Variants in LMO7 observed in about 807,000 individuals in gnomAD.
The protein encoded by LMO7 is LIM domain 7.
Under a neutral mutation model 206.5 loss-of-function variants are expected in LMO7, and 120 were observed. That is an observed-to-expected ratio of 0.58 (90% CI 0.50 to 0.68). The LOEUF (loss-of-function observed/expected upper bound fraction) is 0.68. LMO7 is among the 30% of genes least tolerant of loss of function. The pLI is 0.00. For missense variants in LMO7, 1,959 were observed against 1,957.9 expected (o/e 1.00, Z -0.01); for synonymous variants, 706 against 681.5 (o/e 1.04, Z -0.56).
intron 1 of LMO7, among the ~76,000 whole-genome samples, chr13:75,702,172 AG>A (rs146254093): frequency 0.1 from 15,602 of 151,838 alleles, 1,387 homozygotes; most frequent in East Asian, 0.29. Context: ...GAGAATTTTG[AG>A]TGTTTATAAA....
chr13:75,751,732 A>G (rs115060548), intron 3 of LMO7, among the ~76,000 whole-genome samples: 1,548 of 152,252 alleles, frequency 0.01, 22 homozygotes, highest in East Asian at 0.063. Context: ...TACACTGTTT[A>G]TAAAAGTGTC....
At chr13:75,744,072 T>C (rs978585545) in intron 3 of LMO7, among the ~76,000 whole-genome samples, 2 of 152,182 alleles carry the variant, frequency 1.3e-5, no homozygotes, top group Admixed American at 6.5e-5. Context: ...CCTTAACCCG[T>C]CATGTAAATG....
At chr13:75,843,020 T>G in intron 25 of LMO7, 104 bp downstream of exon 25, 1 of 759,936 alleles carries the variant, frequency 1.3e-6, no homozygotes, top group African/African-American at 1.7e-5. Flanking sequence ...CCTTTGTCAT[T>G]TGTGGGGTAT....
intron 2 of LMO7, among the ~76,000 whole-genome samples, chr13:75,722,380 T>A (rs960343409): frequency 6.6e-6 from 1 of 152,040 alleles, no homozygotes; most frequent in African/African-American, 2.4e-5. Context: ...AAAAGTGGGC[T>A]AAGGACATAA....
intron 4 of LMO7, among the ~76,000 whole-genome samples, chr13:75,763,337 G>A (rs1259058054): frequency 2.0e-5 from 3 of 152,142 alleles, no homozygotes; most frequent in Non-Finnish European, 2.9e-5. Flanking sequence ...TCTAGCTTTA[G>A]ATTTAGAATT....
At chr13:75,712,336 C>G (rs1041911424) in intron 1 of LMO7, among the ~76,000 whole-genome samples, 2 of 152,202 alleles carry the variant, frequency 1.3e-5, no homozygotes, top group Non-Finnish European at 2.9e-5. Context: ...CTGTTGGTCC[C>G]TGCCCTCCCC....
At chr13:75,760,081 G>T (rs914084214) in intron 3 of LMO7, among the ~76,000 whole-genome samples, 1 of 151,698 alleles carries the variant, frequency 6.6e-6, no homozygotes, top group East Asian at 1.9e-4. Context: ...TAGAGTAGTA[G>T]AGATGAAGCC....
At chr13:75,798,308 TGTG>T (rs1414472483) in intron 6 of LMO7, among the ~76,000 whole-genome samples, 1 of 152,124 alleles carries the variant, frequency 6.6e-6, no homozygotes, top group East Asian at 1.9e-4. Flanking sequence ...AGGCAGAGGT[TGTG>T]GTGAGCCAAG....
chr13:75,857,947 A>G lies in LMO7; in HGVS notation c.*4A>G. On this transcript the variant is annotated 3_prime_UTR_variant, in exon 31 of 31. Transcript: ENST00000377534. ...TGGACGGCCAACCGCCATGTGATGT[A>G]AGCCTCCATACGAAAGCACTGTTGC... 5 of 1,608,416 alleles carry G rather than the reference A, an allele frequency of 3.1e-6. No homozygotes were observed. Among genetic ancestry groups the G allele is most frequent in the Non-Finnish European group, 4.2e-6 (5 of 1,177,136 alleles).
At chr13:75,717,947 T>G (rs1222853235) in intron 2 of LMO7, among the ~76,000 whole-genome samples, 1 of 152,254 alleles carries the variant, frequency 6.6e-6, no homozygotes, top group Non-Finnish European at 1.5e-5. Context: ...TGAAATTTAG[T>G]GAAAACTGTT....
In LMO7 at chr13:75,821,257, G is replaced by A. The variant is rs558204044; in HGVS notation, c.2288G>A (p.Arg763Gln). 1.3e-5 allele frequency: 21 copies of A among 1,614,014 alleles called. No individual in the cohort carries two copies. The South Asian group carries it at 1.8e-4, about 14-fold the overall frequency. The change falls in exon 14 of 31, where the codon CGA (arginine) becomes CAA (glutamine). Residue 763 changes from arginine (R) to glutamine (Q), a missense_variant. Arg to Gln is a conservative substitution (Grantham distance 43, BLOSUM62 1). Coordinates refer to ENST00000377534, the MANE Select transcript of LMO7 (RefSeq NM_001306080.2). ...GATGATGTGCTGGAGGAAGGAAAGCGACCCCCTACAATGACTGTGTCAGAA... is the reference window on the plus strand; with the variant it reads ...GATGATGTGCTGGAGGAAGGAAAGCAACCCCCTACAATGACTGTGTCAGAA... Reference protein sequence around the residue: ...SFDDVLEEGKRPPTMTVSEAS... With the variant: ...SFDDVLEEGKQPPTMTVSEAS...
intron 4 of LMO7, among the ~76,000 whole-genome samples, chr13:75,786,807 T>C (rs960625605): frequency 1.3e-5 from 2 of 152,156 alleles, no homozygotes; most frequent in East Asian, 3.9e-4. Context: ...CTTATTCGAA[T>C]GTCTAATTAC....
intron 2 of LMO7, among the ~76,000 whole-genome samples, chr13:75,718,695 G>A (rs111247957): frequency 2.2e-4 from 34 of 152,100 alleles, no homozygotes; most frequent in African/African-American, 7.2e-4. Flanking sequence ...GGTGTTGTAC[G>A]TTGTATGGTT....
chr13:75,787,151 C>T (rs936406959), intron 4 of LMO7, among the ~76,000 whole-genome samples: 9 of 152,264 alleles, frequency 5.9e-5, no homozygotes, highest in Middle Eastern at 3.4e-3. Flanking sequence ...ATAAACAGAT[C>T]ATACATAGTG....
chr13:75,747,956 G>A (rs555466560), intron 3 of LMO7, among the ~76,000 whole-genome samples: 2 of 152,280 alleles, frequency 1.3e-5, no homozygotes, highest in South Asian at 2.1e-4. Context: ...GACCAACTAG[G>A]AGAGCTAGTT....
chr13:75,716,063 G>C (rs1251713988), intron 2 of LMO7, among the ~76,000 whole-genome samples: 2 of 152,112 alleles, frequency 1.3e-5, no homozygotes, highest in African/African-American at 4.8e-5. Context: ...CATATTTCTT[G>C]TGAAATACAG....
chr13:75,670,572 A>G (rs145819237), intron 1 of LMO7, among the ~76,000 whole-genome samples: 82 of 152,344 alleles, frequency 5.4e-4, no homozygotes, highest in African/African-American at 2.0e-3. Flanking sequence ...ATTTAAACAT[A>G]TCTAAACATA....
intron 3 of LMO7, among the ~76,000 whole-genome samples, chr13:75,737,936 C>T (rs1354814672): frequency 1.4e-5 from 2 of 145,734 alleles, no homozygotes; most frequent in South Asian, 2.2e-4. Flanking sequence ...TTTGGTGTCT[C>T]TTAGTTGAGG....
In LMO7 at chr13:75,817,244, C is replaced by T. The variant is rs370712361; in HGVS notation, c.2030C>T (p.Ser677Leu). 3 of 1,612,744 alleles carry T rather than the reference C, an allele frequency of 1.9e-6. No homozygotes were observed. The highest frequency in any genetic ancestry group is 2.5e-6 in the Non-Finnish European group (3 of 1,179,130). ...LRYEEMQKIK[S>L]QLKEQDQKWQ... ...TACGAGGAGATGCAGAAAATAAAATCACAATTAAAAGAACAAGATCAGAAA... is the reference window on the plus strand; with the variant it reads ...TACGAGGAGATGCAGAAAATAAAATTACAATTAAAAGAACAAGATCAGAAA... The change falls in exon 12 of 31, where the codon TCA becomes TTA. Residue 677 changes from serine (S) to leucine (L), a missense_variant. Coordinates refer to ENST00000377534, the MANE Select transcript of LMO7 (RefSeq NM_001306080.2).
Sources: gnomAD v4.1 joint callset for allele counts (sites outside exome capture counted in the v4.1 genomes callset) on GRCh38, gnomAD v4.1.1 for gene constraint, MANE v1.5 for transcripts, NCBI Gene and HGNC (gene_info 2026-07-23, HGNC 2026-07-21) for gene names.